Variants in NHERF4 observed in about 807,000 individuals in gnomAD.
The protein encoded by NHERF4 is Na(+)/H(+) exchange regulatory cofactor NHE-RF4.
the NHERF4 span, chr11:119,185,702 A>C: frequency 1.3e-6 from 1 of 773,646 alleles, no homozygotes; most frequent in Non-Finnish European, 2.2e-6. Flanking sequence ...TGATATGCTC[A>C]GATTTATGTG....
the NHERF4 span, chr11:119,189,045 T>C: frequency 6.2e-7 from 1 of 1,614,036 alleles, no homozygotes; most frequent in South Asian, 1.1e-5. This position sits in a 1 kb window ranked among gnomAD's most constrained non-coding sequence, Gnocchi z 5.8. Context: ...GGGCTGCAAG[T>C]GGGAGACGTG....
At chr11:119,187,975 G>A in the NHERF4 span, 2 of 1,574,564 alleles carry the variant, frequency 1.3e-6, no homozygotes, top group Non-Finnish European at 1.7e-6. Flanking sequence ...CCTTGCTGGT[G>A]GCAGGGCCAG....
At chr11:119,185,952 T>C in the NHERF4 span, 4 of 1,614,096 alleles carry the variant, frequency 2.5e-6, no homozygotes, top group Non-Finnish European at 3.4e-6. Flanking sequence ...TCGTTAACTC[T>C]GTAAGTGCCA....
the NHERF4 span, chr11:119,188,674 CAG>C: frequency 1.2e-6 from 2 of 1,614,184 alleles, no homozygotes; most frequent in Non-Finnish European, 1.7e-6. Context: ...TTGGAGAACA[CAG>C]AGGCTCCCGC....
the NHERF4 span, chr11:119,189,281 G>A: frequency 6.5e-7 from 1 of 1,528,878 alleles, no homozygotes; most frequent in South Asian, 1.2e-5. This position sits in a 1 kb window ranked among gnomAD's most constrained non-coding sequence, Gnocchi z 5.8. Context: ...GGCAGAGTGG[G>A]CGAGGTACAA....
the NHERF4 span, chr11:119,188,966 C>A: frequency 1.2e-6 from 2 of 1,613,324 alleles, no homozygotes. Context: ...GCAAACTTTC[C>A]CCCGGTGTCC....
chr11:119,189,614 C>A, the NHERF4 span: 1 of 1,123,974 alleles, frequency 8.9e-7, no homozygotes, highest in Non-Finnish European at 1.3e-6. The surrounding 1 kb of genome is among the most constrained non-coding windows in gnomAD (Gnocchi z 5.8). Context: ...CCACCGATCA[C>A]AGGCTGGCCC....
the NHERF4 span, chr11:119,188,308 T>C: frequency 2.5e-6 from 4 of 1,608,500 alleles, no homozygotes; most frequent in Non-Finnish European, 3.4e-6. Flanking sequence ...GTGTACACAG[T>C]GGCCTAGGAT....
the NHERF4 span, chr11:119,187,708 T>C: frequency 8.7e-6 from 13 of 1,495,284 alleles, no homozygotes; most frequent in Non-Finnish European, 1.2e-5. Context: ...AAGGTGTGAC[T>C]GCCTGTCTCC....
At chr11:119,187,214 C>T in the NHERF4 span, 3 of 1,417,014 alleles carry the variant, frequency 2.1e-6, no homozygotes, top group African/African-American at 2.9e-5. Context: ...CAGGGAGGTC[C>T]TGGGGGTTGG....
At chr11:119,186,088 G>T in the NHERF4 span, 2 of 1,610,816 alleles carry the variant, frequency 1.2e-6, no homozygotes, top group Non-Finnish European at 1.7e-6. The surrounding 1 kb of genome is among the most constrained non-coding windows in gnomAD (Gnocchi z 4.4). Flanking sequence ...CTGCCTCCTT[G>T]CAGGAAGTTT....
the NHERF4 span, chr11:119,187,482 G>T: frequency 6.2e-7 from 1 of 1,613,710 alleles, no homozygotes; most frequent in African/African-American, 1.3e-5. Context: ...GGTGCGAGGG[G>T]GCGGCAAGGA....
At chr11:119,189,273 C>T in the NHERF4 span, 1 of 1,533,844 alleles carries the variant, frequency 6.5e-7, no homozygotes, top group Non-Finnish European at 8.9e-7. The surrounding 1 kb of genome is among the most constrained non-coding windows in gnomAD (Gnocchi z 5.8). Flanking sequence ...GAAAGAAGGG[C>T]AGAGTGGGCG....
the NHERF4 span, chr11:119,189,780 C>A: frequency 3.8e-6 from 2 of 521,864 alleles, no homozygotes; most frequent in South Asian, 4.3e-5. The surrounding 1 kb of genome is among the most constrained non-coding windows in gnomAD (Gnocchi z 5.8). Flanking sequence ...GTGGGTCTGG[C>A]TAGGATTGAA....
At chr11:119,188,247 C>A in the NHERF4 span, 1 of 1,566,332 alleles carries the variant, frequency 6.4e-7, no homozygotes. Context: ...CCTGTCTGAG[C>A]TCTGGCCCTG....
At chr11:119,185,789 C>G in the NHERF4 span, 1 of 1,191,540 alleles carries the variant, frequency 8.4e-7, no homozygotes, top group Non-Finnish European at 1.2e-6. Context: ...GAGAAGACCC[C>G]TTTGGAGCAG....
chr11:119,186,078 CTGCCTCCTT>C, the NHERF4 span: 3 of 1,610,544 alleles, frequency 1.9e-6, no homozygotes, highest in Non-Finnish European at 2.5e-6. The surrounding 1 kb of genome is among the most constrained non-coding windows in gnomAD (Gnocchi z 4.4). Flanking sequence ...CCTGCTTCCC[CTGCCTCCTT>C]GCAGGAAGTT....
At chr11:119,190,055 T>G in the NHERF4 span, 1 of 489,680 alleles carries the variant, frequency 2.0e-6, no homozygotes, top group Non-Finnish European at 3.6e-6. This position sits in a 1 kb window ranked among gnomAD's most constrained non-coding sequence, Gnocchi z 4.2. Context: ...AGGAGAGAGG[T>G]TGAGACCTGG....
At chr11:119,189,183 G>A in the NHERF4 span, 1 of 1,611,324 alleles carries the variant, frequency 6.2e-7, no homozygotes, top group African/African-American at 1.3e-5. The surrounding 1 kb of genome is among the most constrained non-coding windows in gnomAD (Gnocchi z 5.8). Context: ...TTGGAAGCCT[G>A]GATTCCCCCT....
Sources: gnomAD v4.1 joint callset for allele counts on GRCh38, gnomAD v4.1.1 for gene constraint, Gnocchi (gnomAD v3.1) non-coding constraint, MANE v1.5 for transcripts, NCBI Gene and HGNC (gene_info 2026-07-23, HGNC 2026-07-21) for gene names.